ZBTB7C: variants seen among roughly 807,000 people sequenced by gnomAD.
The protein encoded by ZBTB7C is zinc finger and BTB domain containing 7C.
Under a neutral mutation model 25.7 loss-of-function variants are expected in ZBTB7C, and 8 were observed. That is an observed-to-expected ratio of 0.31 (90% CI 0.18 to 0.56). The LOEUF (loss-of-function observed/expected upper bound fraction) is 0.56. Ranked by LOEUF, ZBTB7C falls within the 20% of genes least tolerant of loss-of-function variation. The probability of loss-of-function intolerance (pLI) is 0.91; values close to 1 mark genes in which losing one functional copy is unlikely to be tolerated. For missense variants in ZBTB7C, 824 were observed against 855.2 expected, an observed-to-expected ratio of 0.96 and a Z score of 0.46; for synonymous variants, 394 against 369.0, an observed-to-expected ratio of 1.07 and a Z score of -0.78.
In ZBTB7C at chr18:48,224,726, T is replaced by TG. The variant is rs1466315758; in HGVS notation, c.-78-38732dup. Among the ~76,000 whole-genome samples the TG allele has an allele frequency of 3.3e-5, 5 of 152,244 alleles. No homozygotes were observed. In the East Asian group the frequency reaches 9.7e-4, roughly 29 times the overall value. ...CCGTAAGGCCTTTTTCCCAATTCCA[T>TG]GAATTGGGAAGAATCACAGTTATCT... On this transcript the variant is annotated intron_variant, in intron 2 of 4. Transcript: ENST00000590800.
chr18:48,389,712 C>G (rs917745436), intron 1 of ZBTB7C, among the ~76,000 whole-genome samples: 5 of 152,086 alleles, frequency 3.3e-5, no homozygotes, highest in African/African-American at 1.2e-4. Flanking sequence ...GAGGCTCTCC[C>G]TGATAAAAAC....
chr18:48,339,414 G>A lies in ZBTB7C; in HGVS notation c.-303-1016C>T, dbSNP rs188061605. On this transcript the variant is annotated intron_variant, in intron 1 of 4. Coordinates refer to ENST00000590800, the MANE Select transcript of ZBTB7C (RefSeq NM_001318841.2). ...GAGTGAGAGTGGCAAAAGAAGGAAG[G>A]GACACATATATAATGATTAGACTCT... 2.6e-5 allele frequency among the ~76,000 whole-genome samples: 4 copies of A among 152,324 alleles called. No individual in the cohort carries two copies. The East Asian group carries it at 5.8e-4, about 22-fold the overall frequency.
intron 1 of ZBTB7C, among the ~76,000 whole-genome samples, chr18:48,347,208 C>G (rs1353844223): frequency 2.1e-5 from 3 of 145,562 alleles, no homozygotes; most frequent in African/African-American, 7.7e-5. Context: ...TGGATTCAAG[C>G]CATTCTCCTG....
At chr18:48,073,623 C>T (rs1254214504) in intron 3 of ZBTB7C, among the ~76,000 whole-genome samples, 1 of 152,182 alleles carries the variant, frequency 6.6e-6, no homozygotes, top group Non-Finnish European at 1.5e-5. Flanking sequence ...TCTGCTCCTC[C>T]CTCAGCCTCT....
intron 3 of ZBTB7C, chr18:48,149,304 G>C (rs989788221): frequency 3.3e-5 from 5 of 152,466 alleles, no homozygotes; most frequent in African/African-American, 1.2e-4. Flanking sequence ...TGCTAGATGG[G>C]GAAGGGGTGA....
intron 1 of ZBTB7C, among the ~76,000 whole-genome samples, chr18:48,349,937 C>G (rs1433776347): frequency 6.6e-6 from 1 of 152,222 alleles, no homozygotes; most frequent in African/African-American, 2.4e-5. Flanking sequence ...GGAATGCCAC[C>G]TGCCCTTCAT....
At chr18:48,338,616 C>G (rs1265206692) in intron 1 of ZBTB7C, among the ~76,000 whole-genome samples, 1 of 152,114 alleles carries the variant, frequency 6.6e-6, no homozygotes, top group Non-Finnish European at 1.5e-5. Flanking sequence ...ACACACACCG[C>G]ACACACATGC....
intron 2 of ZBTB7C, among the ~76,000 whole-genome samples, chr18:48,228,751 A>C (rs867297704): frequency 6.4e-5 from 9 of 141,194 alleles, no homozygotes; most frequent in African/African-American, 1.8e-4. Context: ...TCTCTCTCAC[A>C]CACACACACA....
At chr18:48,067,772 C>T (rs1338124240) in intron 3 of ZBTB7C, among the ~76,000 whole-genome samples, 2 of 152,124 alleles carry the variant, frequency 1.3e-5, no homozygotes, top group African/African-American at 2.4e-5. Context: ...GAGGCCGAGG[C>T]GGGCAGATCA....
At chr18:48,159,595 G>T (rs2040939302) in intron 3 of ZBTB7C, among the ~76,000 whole-genome samples, 1 of 152,154 alleles carries the variant, frequency 6.6e-6, no homozygotes, top group Non-Finnish European at 1.5e-5. Flanking sequence ...CCAAAGCCAA[G>T]CTCAACTCTC....
intron 4 of ZBTB7C, among the ~76,000 whole-genome samples, chr18:48,038,115 T>G (rs538086292): frequency 2.0e-5 from 3 of 152,260 alleles, no homozygotes; most frequent in African/African-American, 7.2e-5. Context: ...GGGCTGTCAC[T>G]GAGGGACATC....
chr18:48,387,594 A>G (rs535528967), intron 1 of ZBTB7C, among the ~76,000 whole-genome samples: 1 of 152,280 alleles, frequency 6.6e-6, no homozygotes, highest in African/African-American at 2.4e-5. Context: ...CTTTGCCTCT[A>G]TCTTCCTTTG....
At chr18:48,083,422 TC>T (rs1355208873) in intron 3 of ZBTB7C, among the ~76,000 whole-genome samples, 2 of 151,990 alleles carry the variant, frequency 1.3e-5, no homozygotes, top group East Asian at 3.9e-4. Context: ...TAGCCCCTCG[TC>T]CCCTGCCTGT....
chr18:48,237,107 C>A (rs999786471), intron 2 of ZBTB7C, among the ~76,000 whole-genome samples: 1 of 152,116 alleles, frequency 6.6e-6, no homozygotes, highest in South Asian at 2.1e-4. Flanking sequence ...AGTGGGGGAG[C>A]AATATTCTGG....
chr18:48,373,492 T>C (rs1038981221), intron 1 of ZBTB7C, among the ~76,000 whole-genome samples: 2 of 151,998 alleles, frequency 1.3e-5, no homozygotes, highest in Non-Finnish European at 2.9e-5. Flanking sequence ...GGCAGAATGA[T>C]ATAGTTTGGA....
At chr18:48,245,103 TACAC>T (rs1555723399) in intron 2 of ZBTB7C, among the ~76,000 whole-genome samples, 6 of 144,556 alleles carry the variant, frequency 4.2e-5, no homozygotes, top group African/African-American at 1.3e-4. Flanking sequence ...TATATATATA[TACAC>T]ACACACACAC....
chr18:48,222,814 G>T (rs1271524835), intron 2 of ZBTB7C, among the ~76,000 whole-genome samples: 4 of 152,142 alleles, frequency 2.6e-5, no homozygotes, highest in Admixed American at 2.0e-4. Flanking sequence ...CACTCCACCA[G>T]ACCTGCAGCC....
intron 3 of ZBTB7C, among the ~76,000 whole-genome samples, chr18:48,123,309 C>T (rs567444074): frequency 6.6e-6 from 1 of 152,354 alleles, no homozygotes; most frequent in East Asian, 1.9e-4. Flanking sequence ...AGATGAGCCA[C>T]CCAGATGGGG....
At chr18:48,110,363 C>T (rs898245728) in intron 3 of ZBTB7C, among the ~76,000 whole-genome samples, 27 of 152,144 alleles carry the variant, frequency 1.8e-4, no homozygotes, top group African/African-American at 4.8e-4. Flanking sequence ...CTCTAAAAGC[C>T]GCTTCTTCCT....
Sources: allele counts gnomAD v4.1 joint callset (sites outside exome capture counted in the v4.1 genomes callset), GRCh38; gene constraint gnomAD v4.1.1; transcripts MANE v1.5; gene names NCBI Gene and HGNC (gene_info 2026-07-23, HGNC 2026-07-21).